RABGEF1: variants seen among roughly 807,000 people sequenced by gnomAD.
RABGEF1 encodes rab5 GDP/GTP exchange factor.
Under a neutral mutation model 57.3 loss-of-function variants are expected in RABGEF1, and 26 were observed. That is an observed-to-expected ratio of 0.45 (90% CI 0.33 to 0.63). The LOEUF (loss-of-function observed/expected upper bound fraction) is 0.63. Ranked by LOEUF, RABGEF1 falls within the 20% of genes least tolerant of loss-of-function variation. RABGEF1 has a pLI of 0.02. For synonymous variants in RABGEF1, 185 were observed against 210.7 expected (o/e 0.88, Z 1.06); for missense variants, 464 against 607.6 (o/e 0.76, Z 2.48).
rs564062686 is a variant in RABGEF1, at chr7:66,757,651, G to A, written c.-17-14232G>A. 1.9e-4 allele frequency among the ~76,000 whole-genome samples: 29 copies of A among 152,284 alleles called. No homozygotes were observed. In the South Asian group the frequency reaches 5.4e-3, roughly 28 times the overall value. ...TTTTGAGATGGAGTCTCGCTCTGCC[G>A]CCCAGGCTGGAGTGCAGTGGCATGA... On this transcript the variant is annotated intron_variant, in intron 1 of 8. Coordinates refer to ENST00000284957, the MANE Select transcript of RABGEF1 (RefSeq NM_014504.3).
At chr7:66,670,559 T>C in the RABGEF1 span, among the ~76,000 whole-genome samples, 1 of 151,626 alleles carries the variant, frequency 6.6e-6, no homozygotes, top group Non-Finnish European at 1.5e-5. Context: ...CAATTTTTAT[T>C]TTTAGCTGGG....
chr7:66,678,529 C>T (rs185743047), upstream of RABGEF1, among the ~76,000 whole-genome samples: 95 of 132,012 alleles, frequency 7.2e-4, no homozygotes, highest in African/African-American at 2.7e-3. Context: ...GGCGCCACTG[C>T]ACTCTAGCCT....
chr7:66,779,543 G>T (rs1809355636), intron 3 of RABGEF1, among the ~76,000 whole-genome samples: 1 of 151,902 alleles, frequency 6.6e-6, no homozygotes, highest in Non-Finnish European at 1.5e-5. Flanking sequence ...AGCTGGGCTA[G>T]TGCCTGTAGC....
At chr7:66,784,525 A>G (rs1439023895) in intron 4 of RABGEF1, among the ~76,000 whole-genome samples, 1 of 152,248 alleles carries the variant, frequency 6.6e-6, no homozygotes, top group African/African-American at 2.4e-5. Context: ...ATTCTGTTGT[A>G]ACATTCTATA....
At chr7:66,687,645 C>T (rs1790890422) in intron 1 of RABGEF1, among the ~76,000 whole-genome samples, 1 of 152,078 alleles carries the variant, frequency 6.6e-6, no homozygotes, top group Non-Finnish European at 1.5e-5. Context: ...AGGTGGATGA[C>T]AGAGCCTTGG....
chr7:66,810,199 C>G lies in RABGEF1; in HGVS notation c.*915C>G, dbSNP rs1789264610. Reference sequence around the variant, plus strand: ...GTGAGATGCAAGGGGCGCCTTGCAGCCTCCATAATATACATTTGACTTTGC... The same window carrying G: ...GTGAGATGCAAGGGGCGCCTTGCAGGCTCCATAATATACATTTGACTTTGC... On this transcript the variant is annotated 3_prime_UTR_variant, in exon 9 of 9. Coordinates refer to ENST00000284957, the MANE Select transcript of RABGEF1 (RefSeq NM_014504.3). The G allele has an allele frequency of 6.6e-6, 1 of 152,168 alleles. No homozygotes were observed. Among genetic ancestry groups the G allele is most frequent in the South Asian group, 2.1e-4 (1 of 4,828 alleles). The allele number at this position is 152,168 out of a possible 1,614,324, so 9.4% of individuals were successfully genotyped here. A position where few individuals can be genotyped will look rare whatever the true frequency, so the allele number is the denominator to read the frequency against.
At chr7:66,666,665 C>T in the RABGEF1 span, among the ~76,000 whole-genome samples, 38 of 152,338 alleles carry the variant, frequency 2.5e-4, 1 homozygote, top group African/African-American at 8.9e-4. Context: ...CTGCTCACAG[C>T]CGGCGGGTGG....
At chr7:66,772,848 G>A (rs1807489665) in intron 2 of RABGEF1, among the ~76,000 whole-genome samples, 1 of 151,676 alleles carries the variant, frequency 6.6e-6, no homozygotes, top group Admixed American at 6.6e-5. Context: ...GGTATCGGAG[G>A]TTGCAGTGAG....
the RABGEF1 span, among the ~76,000 whole-genome samples, chr7:66,668,483 A>G: frequency 6.6e-6 from 1 of 152,178 alleles, no homozygotes; most frequent in African/African-American, 2.4e-5. Flanking sequence ...CTGAGGTTTC[A>G]GGTGCAGGGG....
At chr7:66,789,854 C>T (rs1812184964) in intron 4 of RABGEF1, among the ~76,000 whole-genome samples, 1 of 152,108 alleles carries the variant, frequency 6.6e-6, no homozygotes, top group South Asian at 2.1e-4. Context: ...ATGCAGTCTC[C>T]TGGTGTTGGC....
chr7:66,770,140 T>A (rs79863570), intron 1 of RABGEF1, among the ~76,000 whole-genome samples: 2,236 of 152,278 alleles, frequency 0.015, 61 homozygotes, highest in East Asian at 0.094. Flanking sequence ...GGTAAGGACA[T>A]GTTCTATGAG....
At chr7:66,739,784 TTC>T (rs1191475051), upstream of RABGEF1, 1 of 152,190 alleles carries the variant, frequency 6.6e-6, no homozygotes, top group Non-Finnish European at 1.5e-5. Flanking sequence ...GCATAGTATT[TTC>T]TTTTTTTTCT....
At position 66,764,508 on chromosome 7, in the gene RABGEF1, A is replaced by G. The variant is rs192237240; in HGVS notation, c.-17-7375A>G. Among the ~76,000 whole-genome samples the G allele has an allele frequency of 3.9e-5, 6 of 152,326 alleles. No homozygotes were observed. The East Asian group carries it at 1.2e-3, about 29-fold the overall frequency. ...TTTTGTTGCTCCTGCTTTTGGTGCC[A>G]TATCTAAACATCCTTTGTCAAATCC... is the stretch of plus-strand genomic sequence containing the variant. On this transcript the variant is annotated intron_variant, in intron 1 of 8. Coordinates refer to ENST00000284957, the MANE Select transcript of RABGEF1 (RefSeq NM_014504.3).
rs749021108 is a variant in RABGEF1, at chr7:66,808,956, G to A, written c.1148G>A (p.Arg383His). 14 of 1,613,574 alleles carry A rather than the reference G, an allele frequency of 8.7e-6. No individual in the cohort carries two copies. The highest frequency in any genetic ancestry group is 2.2e-5 in the East Asian group (1 of 44,880). ...AATCTAAGTCAGGAGGATTTTGATC[G>A]CTACATGTCTGGCCAGACCTCTCCC... is the stretch of plus-strand genomic sequence containing the variant. ...SLNLSQEDFD[R>H]YMSGQTSPRK... The change falls in exon 9 of 9, where the codon CGC (arginine) becomes CAC (histidine). Residue 383 changes from arginine (R) to histidine (H), a missense_variant. Physicochemically the swap from Arg to His is conservative, Grantham distance 29. Around this residue, in one of 4 missense-constraint regions of RABGEF1, gnomAD observed 151 missense variants for 152.2 expected, o/e 0.99. Transcript: ENST00000284957.
intron 1 of RABGEF1, among the ~76,000 whole-genome samples, chr7:66,693,820 T>C (rs1791910949): frequency 6.6e-6 from 1 of 151,704 alleles, no homozygotes; most frequent in Non-Finnish European, 1.5e-5. Flanking sequence ...TCTTTTTTTT[T>C]TTTTTGAGAC....
chr7:66,793,301 A>G (rs926834775), intron 4 of RABGEF1, among the ~76,000 whole-genome samples: 1 of 152,228 alleles, frequency 6.6e-6, no homozygotes, highest in Non-Finnish European at 1.5e-5. Context: ...TTTGTTGAAT[A>G]TATGCCTTAC....
chr7:66,718,974 T>C (rs1795703880), intron 2 of RABGEF1, among the ~76,000 whole-genome samples: 1 of 152,234 alleles, frequency 6.6e-6, no homozygotes, highest in Non-Finnish European at 1.5e-5. Flanking sequence ...TGCATCTTTC[T>C]TCAGTGCCAA....
chr7:66,757,807 T>A (rs1236053545), intron 1 of RABGEF1, among the ~76,000 whole-genome samples: 1 of 152,152 alleles, frequency 6.6e-6, no homozygotes, highest in Non-Finnish European at 1.5e-5. Context: ...GAGACGGGGT[T>A]TCACCGTGTT....
rs1179413640 is a variant in RABGEF1 at position 66,796,611 on chromosome 7, G to A, written c.596-763G>A. Among the ~76,000 whole-genome samples, 7 of 151,896 alleles carry A rather than the reference G, an allele frequency of 4.6e-5. No homozygotes were observed. In the East Asian group the frequency reaches 5.8e-4, roughly 13 times the overall value. On this transcript the variant is annotated intron_variant, in intron 5 of 8. Coordinates refer to ENST00000284957, the MANE Select transcript of RABGEF1 (RefSeq NM_014504.3). ...GTTTGTTTGTTTGTTTGTTTTTGTC[G>A]AGACAGAATATCACTCTGTCGTCCA...
Sources: gnomAD v4.1 joint callset for allele counts (sites outside exome capture counted in the v4.1 genomes callset) on GRCh38, gnomAD v4.1.1 for gene constraint, gnomAD v4.1.1 regional missense constraint, MANE v1.5 for transcripts, NCBI Gene and HGNC (gene_info 2026-07-23, HGNC 2026-07-21) for gene names.